The following SORBS2 variants were observed in gnomAD, a reference collection of about 807,000 sequenced individuals.
SORBS2 encodes the protein sorbin and SH3 domain containing 2, also known as sorbin and SH3 domain-containing protein 2.
SORBS2 carries 46 observed loss-of-function variants against 97.7 expected under a neutral mutation model. The ratio of observed to expected loss-of-function variants is 0.47; its 90% confidence interval spans 0.37 to 0.60. SORBS2 has a LOEUF of 0.60. Ranked by LOEUF, SORBS2 falls within the 20% of genes least tolerant of loss-of-function variation. The pLI is 0.00. For missense variants in SORBS2, 1,316 were observed against 1,282.3 expected (o/e 1.03, Z -0.40); for synonymous variants, 476 against 473.4 (o/e 1.01, Z -0.07).
chr4:185,667,115 C>T (rs1203445035), intron 4 of SORBS2, among the ~76,000 whole-genome samples: 3 of 152,126 alleles, frequency 2.0e-5, no homozygotes, highest in Non-Finnish European at 2.9e-5. Flanking sequence ...GAATAAAACT[C>T]CGAAGCAACT....
rs1211085354 is a variant in SORBS2 at position 185,618,502 on chromosome 4, TC to T, written c.2351+82del. ...GGAATTAGACCTCATTTGTAACAGA[TC>T]CTACTGCAATGCTTATCTCTTAAAG... On this transcript the variant is annotated intron_variant, in intron 9 of 14. Transcript: ENST00000418609. 3 of 673,326 alleles carry T rather than the reference TC, an allele frequency of 4.5e-6. No individual in the cohort carries two copies. In the African/African-American group the frequency reaches 5.4e-5, roughly 12 times the overall value. 41.7% of individuals were successfully genotyped at this position (673,326 alleles called of 1,614,324 possible). A position where few individuals can be genotyped will look rare whatever the true frequency, so the allele number is the denominator to read the frequency against.
chr4:185,834,560 G>A (rs113569454), intron 1 of SORBS2, among the ~76,000 whole-genome samples: 260 of 152,080 alleles, frequency 1.7e-3, no homozygotes, highest in African/African-American at 6.1e-3. Context: ...AGTGCTCCAC[G>A]TATACCCTTC....
chr4:185,887,370 G>A (rs2099240202), intron 1 of SORBS2, among the ~76,000 whole-genome samples: 1 of 152,192 alleles, frequency 6.6e-6, no homozygotes, highest in Non-Finnish European at 1.5e-5. Context: ...TTCCGAAACT[G>A]TTATAAAGAT....
chr4:185,854,221 C>A (rs1047950861), intron 1 of SORBS2, among the ~76,000 whole-genome samples: 1 of 152,064 alleles, frequency 6.6e-6, no homozygotes, highest in Non-Finnish European at 1.5e-5. Context: ...GGGACAAATT[C>A]ACAGGAAATA....
At chr4:185,723,576 TTATTC>T (rs772013500) in intron 2 of SORBS2, among the ~76,000 whole-genome samples, 32 of 152,246 alleles carry the variant, frequency 2.1e-4, no homozygotes, top group Non-Finnish European at 4.4e-4. Flanking sequence ...AGTCTGAGTC[TTATTC>T]TATTCATTTC....
chr4:185,644,892 GT>G (rs545791691), intron 4 of SORBS2, among the ~76,000 whole-genome samples: 75 of 152,224 alleles, frequency 4.9e-4, no homozygotes, highest in African/African-American at 1.7e-3. Context: ...CAAAGGGAGG[GT>G]TTTTTAGGTG....
chr4:185,903,463 C>T (rs1183027296), intron 1 of SORBS2, among the ~76,000 whole-genome samples: 1 of 152,136 alleles, frequency 6.6e-6, no homozygotes, highest in African/African-American at 2.4e-5. Flanking sequence ...TCACCCATGA[C>T]TATCTGGAAC....
At chr4:185,667,717 T>TATATAA (rs386402619) in intron 4 of SORBS2, among the ~76,000 whole-genome samples, 8 of 146,272 alleles carry the variant, frequency 5.5e-5, no homozygotes, top group African/African-American at 2.0e-4. Context: ...CGTATATATA[T>TATATAA]AATATATATT....
At position 185,704,521 on chromosome 4, in the gene SORBS2, G is replaced by A. The variant is rs545042633; in HGVS notation, c.-197-25699C>T. The stretch of plus-strand genomic sequence containing the variant: ...TTTAGTAGAGATGGGGTTTCACCAT[G>A]TTGGCTAGGCTAGTCTCGAGTTCCT... On this transcript the variant is annotated intron_variant, in intron 2 of 20. Transcript: ENST00000284776. Among the ~76,000 whole-genome samples, 3 of 152,156 alleles carry A rather than the reference G, an allele frequency of 2.0e-5. No homozygotes were observed. The South Asian group carries it at 6.2e-4, about 32-fold the overall frequency.
chr4:185,633,951 G>T (rs2096951127), intron 4 of SORBS2, among the ~76,000 whole-genome samples: 1 of 152,084 alleles, frequency 6.6e-6, no homozygotes, highest in African/African-American at 2.4e-5. Flanking sequence ...TTCATATGTT[G>T]AAATAAGACT....
intron 1 of SORBS2, among the ~76,000 whole-genome samples, chr4:185,895,971 G>A (rs2099244805): frequency 3.3e-5 from 5 of 152,186 alleles, no homozygotes; most frequent in Admixed American, 2.6e-4. Flanking sequence ...CAGGAAAAGG[G>A]AGTGTATGAG....
intron 2 of SORBS2, among the ~76,000 whole-genome samples, chr4:185,766,165 C>T (rs891630083): frequency 6.6e-6 from 1 of 152,154 alleles, no homozygotes; most frequent in Admixed American, 6.5e-5. Context: ...ATCTGACATC[C>T]TTCTTGAATT....
intron 1 of SORBS2, among the ~76,000 whole-genome samples, chr4:185,806,538 A>G (rs2099156420): frequency 7.4e-6 from 1 of 134,444 alleles, no homozygotes; most frequent in South Asian, 2.7e-4. Context: ...GCTCACTGCA[A>G]GCTCCTCCTC....
chr4:185,614,714 CAT>C, intron 11 of SORBS2, 115 bp downstream of exon 23: 1 of 1,284,008 alleles, frequency 7.8e-7, no homozygotes, highest in South Asian at 1.6e-5. Flanking sequence ...ATAGGGTAAA[CAT>C]AAAAATGTCT....
intron 1 of SORBS2, among the ~76,000 whole-genome samples, chr4:185,925,898 A>G (rs1002776156): frequency 6.6e-6 from 1 of 152,258 alleles, no homozygotes; most frequent in Non-Finnish European, 1.5e-5. Context: ...CAGAGCATAG[A>G]AGTCTCCTCT....
At chr4:185,743,033 G>A (rs542061173) in intron 2 of SORBS2, among the ~76,000 whole-genome samples, 4 of 152,312 alleles carry the variant, frequency 2.6e-5, no homozygotes, top group South Asian at 4.1e-4. Context: ...GTTTCCTGGA[G>A]AGGCATCTCC....
At chr4:185,651,219 G>A (rs926031700) in intron 2 of SORBS2, among the ~76,000 whole-genome samples, 2 of 152,162 alleles carry the variant, frequency 1.3e-5, no homozygotes, top group African/African-American at 4.8e-5. Flanking sequence ...GCAGACCCCT[G>A]CACGAGATAC....
chr4:185,807,631 G>A (rs774549147), intron 1 of SORBS2, among the ~76,000 whole-genome samples: 1 of 152,188 alleles, frequency 6.6e-6, no homozygotes, highest in Admixed American at 6.5e-5. Flanking sequence ...AAGCTGAAAC[G>A]TGAGTTCTTA....
At chr4:185,711,356 T>C (rs1279400950) in intron 2 of SORBS2, among the ~76,000 whole-genome samples, 1 of 152,176 alleles carries the variant, frequency 6.6e-6, no homozygotes, top group Non-Finnish European at 1.5e-5. Context: ...TTAAACAAGA[T>C]AGTAATTGTG....
Sources: gnomAD v4.1 joint callset for allele counts (sites outside exome capture counted in the v4.1 genomes callset) on GRCh38, gnomAD v4.1.1 for gene constraint, MANE v1.5 for transcripts, NCBI Gene and HGNC (gene_info 2026-07-23, HGNC 2026-07-21) for gene names.